Variants in TUBA1C observed in about 807,000 individuals in gnomAD.
TUBA1C encodes tubulin alpha 1c, also known as tubulin alpha-1C chain.
In TUBA1C, 16 loss-of-function variants were observed where a neutral mutation model predicts 34.9. The ratio of observed to expected loss-of-function variants is 0.46; its 90% confidence interval spans 0.31 to 0.70. The LOEUF (loss-of-function observed/expected upper bound fraction) is 0.70. Ranked by LOEUF, TUBA1C falls within the 30% of genes least tolerant of loss-of-function variation. The pLI, the probability that TUBA1C is intolerant of heterozygous loss-of-function variation, is 0.05. For missense variants in TUBA1C, 329 were observed against 587.3 expected (o/e 0.56, Z 4.55); for synonymous variants, 177 against 215.9 (o/e 0.82, Z 1.58).
intron 1 of TUBA1C, among the ~76,000 whole-genome samples, chr12:49,235,051 C>T (rs1942538087): frequency 6.7e-6 from 1 of 150,212 alleles, no homozygotes; most frequent in Non-Finnish European, 1.5e-5. Flanking sequence ...TTCCTGTCCT[C>T]GTGATCCGCC....
intron 1 of TUBA1C, among the ~76,000 whole-genome samples, chr12:49,231,709 C>CAGAT (rs1361513350): frequency 6.6e-6 from 1 of 151,640 alleles, no homozygotes; most frequent in African/African-American, 2.4e-5. Flanking sequence ...GACAGACAGA[C>CAGAT]AGACAGACAG....
At chr12:49,262,350 G>A (rs1196425375), upstream of TUBA1C, among the ~76,000 whole-genome samples, 4 of 140,614 alleles carry the variant, frequency 2.8e-5, no homozygotes, top group East Asian at 4.1e-4. Context: ...CCAAAAAGTC[G>A]AGGCTGCACC....
chr12:49,264,836 TTCCTCCCCTTCCTCCCCTTCCTCCC>T (rs1942880647), upstream of TUBA1C: 1 of 104,062 alleles, frequency 9.6e-6, no homozygotes, highest in African/African-American at 3.5e-5. Flanking sequence ...CTTCCTCCCC[TTCCTCCCCTTCCTCCCCTTCCTCCC>T]CTTCCTCCTC....
At chr12:49,246,823 G>A (rs1423025581) in intron 1 of TUBA1C, among the ~76,000 whole-genome samples, 10 of 151,818 alleles carry the variant, frequency 6.6e-5, no homozygotes. Flanking sequence ...CAGACACAGG[G>A]GGCAACCCCT....
intron 1 of TUBA1C, among the ~76,000 whole-genome samples, chr12:49,254,292 C>G (rs1047102849): frequency 6.6e-6 from 1 of 151,574 alleles, no homozygotes; most frequent in Non-Finnish European, 1.5e-5. Flanking sequence ...GCCTGGGCAA[C>G]AAGAGTGAAA....
At chr12:49,251,572 C>G (rs1456036157) in intron 1 of TUBA1C, among the ~76,000 whole-genome samples, 1 of 151,984 alleles carries the variant, frequency 6.6e-6, no homozygotes, top group East Asian at 1.9e-4. Context: ...GTCAGCAGTT[C>G]AAGACTAGCC....
chr12:49,264,805 C>G (rs4554934), upstream of TUBA1C: 2,885 of 37,180 alleles, frequency 0.078, 34 homozygotes, highest in East Asian at 0.19. Context: ...TGCCCTTCCT[C>G]CCCTTCCTCC....
At chr12:49,247,452 G>T (rs1278177015) in intron 1 of TUBA1C, among the ~76,000 whole-genome samples, 1 of 146,318 alleles carries the variant, frequency 6.8e-6, no homozygotes, top group Non-Finnish European at 1.6e-5. Context: ...AGCTACTCAG[G>T]AGGCTGATTG....
chr12:49,273,689 T>C lies in TUBA1C; in HGVS notation c.*462T>C, dbSNP rs1943026274. ...TGAGCCACTGCCCAGCTTCTTGGTT[T>C]ATCTGTTTAATTTGGGCCTGAATTA... On this transcript the variant is annotated 3_prime_UTR_variant, in exon 4 of 4. Coordinates refer to ENST00000301072, the MANE Select transcript of TUBA1C (RefSeq NM_032704.5). The C allele has an allele frequency of 2.3e-5, 5 of 217,328 alleles. No homozygotes were observed. Among genetic ancestry groups the C allele is most frequent in the African/African-American group, 4.6e-5 (2 of 43,208 alleles). The allele number at this position is 217,328 out of a possible 1,614,324, so 13.5% of individuals were successfully genotyped here.
At chr12:49,239,609 C>A (rs1001916744) in intron 1 of TUBA1C, among the ~76,000 whole-genome samples, 2 of 151,260 alleles carry the variant, frequency 1.3e-5, no homozygotes, top group African/African-American at 4.9e-5. Flanking sequence ...CCACTGCACT[C>A]CATCCTGGGC....
At chr12:49,269,365 T>G in intron 1 of TUBA1C, 100 bp from the exon 2 acceptor site, 1 of 1,557,264 alleles carries the variant, frequency 6.4e-7, no homozygotes, top group Non-Finnish European at 8.7e-7. Context: ...GCCCAGCCAG[T>G]TATCTGTCTT....
rs549320231 is a variant in TUBA1C, at chr12:49,229,239, T to A, written c.213+1073T>A. Among the ~76,000 whole-genome samples, 8 of 152,206 alleles carry A rather than the reference T, an allele frequency of 5.3e-5. No individual in the cohort carries two copies. The South Asian group carries it at 6.2e-4, about 12-fold the overall frequency. On this transcript the variant is annotated intron_variant, in intron 1 of 3. Coordinates refer to the TUBA1C transcript ENST00000541364. ...CCCAGGCTGGAGTGCAGTGGCATAA[T>A]CTCGGCTCACTGCAACCTCTGCCTC... is the stretch of plus-strand genomic sequence containing the variant.
intron 1 of TUBA1C, among the ~76,000 whole-genome samples, chr12:49,268,840 A>G: frequency 6.6e-6 from 1 of 152,198 alleles, no homozygotes; most frequent in South Asian, 2.1e-4. Flanking sequence ...GAATGAGCTC[A>G]GTAGTTACAC....
chr12:49,273,331 T>C lies in TUBA1C; in HGVS notation c.*104T>C, dbSNP rs960405840. 6.3e-7 allele frequency: 1 copy of C among 1,598,392 alleles called. No homozygotes were observed. The highest frequency in any genetic ancestry group is 8.5e-7 in the Non-Finnish European group (1 of 1,170,912). On this transcript the variant is annotated 3_prime_UTR_variant, in exon 4 of 4. Coordinates refer to ENST00000301072, the MANE Select transcript of TUBA1C (RefSeq NM_032704.5). ...GTTAATAAAATTGAAGTTTCCATTT[T>C]AAATGTCGAGCTGACTTAAATACTT...
chr12:49,263,502 A>G (rs1480610144), upstream of TUBA1C, among the ~76,000 whole-genome samples: 1 of 151,760 alleles, frequency 6.6e-6, no homozygotes, highest in Non-Finnish European at 1.5e-5. Flanking sequence ...CTCTACACAT[A>G]TGTTCCACAA....
In TUBA1C at chr12:49,274,070, A is replaced by C. The variant is rs1318519754; in HGVS notation, c.*843A>C. The C allele has an allele frequency of 6.6e-6, 1 of 152,226 alleles. No homozygotes were observed. Among genetic ancestry groups the C allele is most frequent in the African/African-American group, 2.4e-5 (1 of 41,422 alleles). The allele number at this position is 152,226 out of a possible 1,614,324, so 9.4% of individuals were successfully genotyped here. On this transcript the variant is annotated 3_prime_UTR_variant, in exon 4 of 4. Transcript: ENST00000301072. ...GAGACCCCTGACTCTCAAATTTAAAAACAAAATGCAGGTTCTAATTCTATA... is the reference window on the plus strand; with the variant it reads ...GAGACCCCTGACTCTCAAATTTAAACACAAAATGCAGGTTCTAATTCTATA...
At position 49,268,309 on chromosome 12, in the gene TUBA1C, G is replaced by A. The variant is rs148311847; in HGVS notation, c.4-1156G>A. Among the ~76,000 whole-genome samples, 1,154 of 152,264 alleles carry A rather than the reference G, an allele frequency of 7.6e-3. 20 individuals are homozygous for A. The highest frequency in any genetic ancestry group is 0.027 in the African/African-American group (1,110 of 41,546). ...AGATGGGGTTTCAGCATATTGGCCA[G>A]GCTGTTCTTGAACTCCTGACCTCAG... On this transcript the variant is annotated intron_variant, in intron 1 of 3. Transcript: ENST00000301072.
chr12:49,254,262 G>T (rs1228824750), intron 1 of TUBA1C, among the ~76,000 whole-genome samples: 5 of 151,966 alleles, frequency 3.3e-5, no homozygotes, highest in Non-Finnish European at 7.4e-5. Context: ...GGTGAGCCAA[G>T]ATCATGCCAT....
intron 1 of TUBA1C, among the ~76,000 whole-genome samples, chr12:49,239,329 G>A (rs999928488): frequency 2.6e-5 from 4 of 152,062 alleles, no homozygotes; most frequent in African/African-American, 9.7e-5. Context: ...ACATCATAAC[G>A]TCACATAATG....
Sources: gnomAD v4.1 joint callset for allele counts (sites outside exome capture counted in the v4.1 genomes callset) on GRCh38, gnomAD v4.1.1 for gene constraint, MANE v1.5 for transcripts, NCBI Gene and HGNC (gene_info 2026-07-23, HGNC 2026-07-21) for gene names.